Variants in MACROD2 observed in about 807,000 individuals in gnomAD.
The protein encoded by MACROD2 is mono-ADP ribosylhydrolase 2.
MACROD2 carries 36 observed loss-of-function variants against 70.4 expected under a neutral mutation model. The ratio of observed to expected loss-of-function variants is 0.51; its 90% CI spans 0.39 to 0.68. The LOEUF (loss-of-function observed/expected upper bound fraction) is 0.68. Among genes scored for constraint, MACROD2 ranks in the 30% least tolerant of loss-of-function variants. The pLI is 0.00. For synonymous variants in MACROD2, 172 were observed against 178.8 expected (o/e 0.96, Z 0.30); for missense variants, 496 against 538.4 (o/e 0.92, Z 0.78).
chr20:14,722,719 AC>A (rs768547225), intron 5 of MACROD2, among the ~76,000 whole-genome samples: 1 of 152,184 alleles, frequency 6.6e-6, no homozygotes, highest in Non-Finnish European at 1.5e-5. Flanking sequence ...CAATTTAGAC[AC>A]CTATATTGGT....
At chr20:15,125,252 C>CA (rs1377570734) in intron 5 of MACROD2, among the ~76,000 whole-genome samples, 1 of 151,992 alleles carries the variant, frequency 6.6e-6, no homozygotes. Flanking sequence ...GGGCAAGTAC[C>CA]AATGACTGTG....
At chr20:15,154,242 C>G (rs995127739) in intron 5 of MACROD2, among the ~76,000 whole-genome samples, 2 of 152,174 alleles carry the variant, frequency 1.3e-5, no homozygotes, top group Non-Finnish European at 2.9e-5. Context: ...CTTATCCCTG[C>G]AACTCAGTTT....
chr20:15,024,582 G>A (rs2075215386), intron 5 of MACROD2, among the ~76,000 whole-genome samples: 2 of 151,840 alleles, frequency 1.3e-5, no homozygotes, highest in South Asian at 2.1e-4. Context: ...GAATTTTTAA[G>A]TGATACTCTA....
intron 3 of MACROD2, among the ~76,000 whole-genome samples, chr20:14,443,457 T>C (rs1815494): frequency 0.95 from 144,396 of 151,738 alleles, 69,179 homozygotes; most frequent in East Asian, 1. Context: ...CCACTACGCC[T>C]GTCTGACTTT....
At chr20:14,352,857 G>T (rs1398925770) in intron 3 of MACROD2, among the ~76,000 whole-genome samples, 2 of 151,390 alleles carry the variant, frequency 1.3e-5, no homozygotes. Flanking sequence ...ATTAACAAAG[G>T]TTAACATTTG....
chr20:15,212,536 C>T (rs558775706), intron 5 of MACROD2, among the ~76,000 whole-genome samples: 2 of 152,226 alleles, frequency 1.3e-5, no homozygotes, highest in South Asian at 2.1e-4. Context: ...AAAATGATAG[C>T]TTGTCATTAG....
At chr20:15,728,877 G>C (rs140025260) in intron 8 of MACROD2, among the ~76,000 whole-genome samples, 49 of 151,808 alleles carry the variant, frequency 3.2e-4, no homozygotes, top group African/African-American at 1.1e-3. Flanking sequence ...TTGTATCTTG[G>C]TTTCCTTCAG....
At chr20:14,992,279 T>C (rs912580822) in intron 5 of MACROD2, among the ~76,000 whole-genome samples, 10 of 152,168 alleles carry the variant, frequency 6.6e-5, no homozygotes, top group Non-Finnish European at 1.3e-4. Flanking sequence ...ATGTTCTTGC[T>C]CATAAAATAA....
At chr20:15,317,713 A>G (rs1352272728) in intron 6 of MACROD2, among the ~76,000 whole-genome samples, 1 of 151,904 alleles carries the variant, frequency 6.6e-6, no homozygotes, top group Non-Finnish European at 1.5e-5. Flanking sequence ...TAAAGGCAGA[A>G]AAATAGCAAT....
At chr20:14,575,595 C>T (rs535792638) in intron 4 of MACROD2, among the ~76,000 whole-genome samples, 4 of 152,204 alleles carry the variant, frequency 2.6e-5, no homozygotes, top group East Asian at 1.9e-4. Context: ...ACACTGCATT[C>T]GATCAATTGA....
At chr20:15,191,931 T>TATATATATAGAGAGAG (rs150210305) in intron 5 of MACROD2, among the ~76,000 whole-genome samples, 1 of 142,290 alleles carries the variant, frequency 7.0e-6, no homozygotes, top group African/African-American at 2.6e-5. Flanking sequence ...TATATATATA[T>TATATATATAGAGAGAG]AGAGAGAGAG....
chr20:15,669,963 C>A (rs963684899), intron 8 of MACROD2, among the ~76,000 whole-genome samples: 1 of 152,148 alleles, frequency 6.6e-6, no homozygotes. Context: ...CTAATGTAAT[C>A]CTCACAACAG....
intron 5 of MACROD2, among the ~76,000 whole-genome samples, chr20:14,780,052 TCAATGCC>T (rs2072280525): frequency 6.6e-6 from 1 of 152,040 alleles, no homozygotes; most frequent in African/African-American, 2.4e-5. Context: ...AATCACTCTT[TCAATGCC>T]ACACTTAAAA....
intron 8 of MACROD2, among the ~76,000 whole-genome samples, chr20:15,809,925 A>G (rs548697518): frequency 8.1e-5 from 12 of 148,972 alleles, no homozygotes; most frequent in African/African-American, 2.7e-4. Flanking sequence ...CAGGTTTGTT[A>G]CATATGTATA....
intron 6 of MACROD2, among the ~76,000 whole-genome samples, chr20:15,395,189 C>T (rs962080418): frequency 6.6e-5 from 10 of 152,178 alleles, no homozygotes; most frequent in African/African-American, 2.4e-4. Flanking sequence ...ACAGTCTACC[C>T]ACTACCACAT....
At chr20:15,842,702 G>T (rs1416858708) in intron 8 of MACROD2, among the ~76,000 whole-genome samples, 1 of 97,556 alleles carries the variant, frequency 1.0e-5, no homozygotes, top group Non-Finnish European at 2.2e-5. Flanking sequence ...TGGATGGGGG[G>T]TGGGTGGATG....
intron 5 of MACROD2, among the ~76,000 whole-genome samples, chr20:15,116,599 C>G (rs933651005): frequency 6.6e-6 from 1 of 152,134 alleles, no homozygotes; most frequent in Non-Finnish European, 1.5e-5. Context: ...GAGCCAAGAT[C>G]GTGCCAATGC....
chr20:14,497,517 C>T (rs2084867587), intron 4 of MACROD2, among the ~76,000 whole-genome samples: 3 of 151,658 alleles, frequency 2.0e-5, no homozygotes, highest in Admixed American at 6.6e-5. Context: ...ACAAAATTTA[C>T]GGTCTCTTAC....
intron 5 of MACROD2, among the ~76,000 whole-genome samples, chr20:14,878,794 A>G (rs6042959): frequency 6.6e-6 from 1 of 152,046 alleles, no homozygotes; most frequent in Non-Finnish European, 1.5e-5. Flanking sequence ...TAAACTCAAC[A>G]TGCCCTTCCA....
Sources: allele counts gnomAD v4.1 joint callset (sites outside exome capture counted in the v4.1 genomes callset), GRCh38; gene constraint gnomAD v4.1.1; transcripts MANE v1.5; gene names NCBI Gene and HGNC (gene_info 2026-07-23, HGNC 2026-07-21).